CCDC73: variants seen among roughly 807,000 people sequenced by gnomAD.
CCDC73 encodes coiled-coil domain containing 73, also known as coiled-coil domain-containing protein 73.
CCDC73 carries 95 observed loss-of-function variants against 116.5 expected under a neutral mutation model. The ratio of observed to expected loss-of-function variants is 0.82; its 90% CI spans 0.69 to 0.97. The LOEUF is 0.97. CCDC73 is among the 50% of genes least tolerant of loss of function. The pLI is 0.00. For synonymous variants in CCDC73, 398 were observed against 401.3 expected, an observed-to-expected ratio of 0.99 and a Z score of 0.10; for missense variants, 1,066 against 1,206.8, an observed-to-expected ratio of 0.88 and a Z score of 1.73.
intron 1 of CCDC73, among the ~76,000 whole-genome samples, chr11:32,786,309 A>G (rs117657809): frequency 0.028 from 4,181 of 148,308 alleles, 76 homozygotes; most frequent in Non-Finnish European, 0.039. Context: ...ATTTATAGTA[A>G]TTTATAACAA....
At chr11:32,830,032 C>G in the CCDC73 span, 1 of 986,306 alleles carries the variant, frequency 1.0e-6, no homozygotes, top group Non-Finnish European at 1.2e-6. Context: ...GCGCGGGGGC[C>G]ATCCAGACCC....
Position 32,676,726 on chromosome 11 carries a change from A to C in CCDC73, c.430-705T>G, listed in dbSNP as rs537512235. On this transcript the variant is annotated intron_variant, in intron 7 of 17. Coordinates refer to ENST00000335185, the MANE Select transcript of CCDC73 (RefSeq NM_001008391.4). ...CTTGAGGCTAGGAGTTTAAGGCTGC[A>C]GTGAGCTATGCTCAGCCGCTGAACT... Among the ~76,000 whole-genome samples the C allele has an allele frequency of 3.3e-5, 5 of 152,326 alleles. No homozygotes were observed. The South Asian group carries it at 1.0e-3, about 32-fold the overall frequency.
the CCDC73 span, among the ~76,000 whole-genome samples, chr11:32,814,259 G>T: frequency 9.9e-5 from 15 of 152,230 alleles, no homozygotes; most frequent in African/African-American, 3.6e-4. Flanking sequence ...GTGTAAGACA[G>T]TGGAAGATGG....
intron 6 of CCDC73, among the ~76,000 whole-genome samples, chr11:32,691,771 G>A (rs751946757): frequency 7.2e-5 from 11 of 151,866 alleles, no homozygotes; most frequent in South Asian, 4.1e-4. Context: ...AAAGTCAGCC[G>A]GGCACAGTGG....
chr11:32,779,989 C>T (rs1039604796), intron 1 of CCDC73, among the ~76,000 whole-genome samples: 6 of 152,054 alleles, frequency 3.9e-5, no homozygotes, highest in African/African-American at 1.4e-4. Context: ...TAAAATAACA[C>T]GAGGTTGGGT....
At chr11:32,616,357 T>C (rs1279186817) in intron 14 of CCDC73, among the ~76,000 whole-genome samples, 1 of 152,242 alleles carries the variant, frequency 6.6e-6, no homozygotes, top group African/African-American at 2.4e-5. Flanking sequence ...GAGATCTTTA[T>C]ACATTTTCAA....
At chr11:32,708,667 G>A (rs1849874677) in intron 3 of CCDC73, among the ~76,000 whole-genome samples, 1 of 151,982 alleles carries the variant, frequency 6.6e-6, no homozygotes. Flanking sequence ...TGTTTGTTTT[G>A]CAGCTATTGT....
At chr11:32,634,624 T>C (rs928373408) in intron 14 of CCDC73, among the ~76,000 whole-genome samples, 7 of 152,200 alleles carry the variant, frequency 4.6e-5, no homozygotes, top group East Asian at 1.9e-4. Flanking sequence ...ACTCTCACAA[T>C]TGTTATTCAA....
At chr11:32,658,604 G>A (rs1855894922) in intron 9 of CCDC73, among the ~76,000 whole-genome samples, 1 of 152,188 alleles carries the variant, frequency 6.6e-6, no homozygotes, top group Non-Finnish European at 1.5e-5. Context: ...AGTACCTCCT[G>A]TGTGTCAGGC....
chr11:32,693,437 G>T (rs904429564), intron 6 of CCDC73, among the ~76,000 whole-genome samples: 1 of 152,140 alleles, frequency 6.6e-6, no homozygotes. Context: ...ACATCTACCT[G>T]TACTATGTTC....
chr11:32,733,665 G>C (rs1850099953), intron 2 of CCDC73, among the ~76,000 whole-genome samples: 1 of 152,186 alleles, frequency 6.6e-6, no homozygotes, highest in Non-Finnish European at 1.5e-5. Context: ...GCTCCTGAAT[G>C]ACTACCGGGT....
At chr11:32,716,494 G>A (rs1849947340) in intron 3 of CCDC73, among the ~76,000 whole-genome samples, 1 of 152,132 alleles carries the variant, frequency 6.6e-6, no homozygotes. Context: ...ACTCTTGTAT[G>A]TTTATTTCCA....
intron 14 of CCDC73, among the ~76,000 whole-genome samples, chr11:32,624,846 C>T (rs1314039009): frequency 6.6e-6 from 1 of 152,152 alleles, no homozygotes; most frequent in Non-Finnish European, 1.5e-5. Flanking sequence ...GAATACTATG[C>T]AGCCATTAAA....
intron 14 of CCDC73, among the ~76,000 whole-genome samples, chr11:32,623,330 G>C (rs185590246): frequency 1.3e-5 from 2 of 152,006 alleles, no homozygotes; most frequent in Admixed American, 1.3e-4. Context: ...TGGAGCAGAG[G>C]GGCAAAGCCA....
chr11:32,641,697 A>T (rs1855734045), intron 13 of CCDC73, among the ~76,000 whole-genome samples: 2 of 104,086 alleles, frequency 1.9e-5, no homozygotes, highest in Non-Finnish European at 4.0e-5. Flanking sequence ...GGCTCAAATT[A>T]TATATATATA....
At chr11:32,732,677 A>G (rs1293003637) in intron 2 of CCDC73, among the ~76,000 whole-genome samples, 1 of 152,184 alleles carries the variant, frequency 6.6e-6, no homozygotes, top group Non-Finnish European at 1.5e-5. Context: ...TAAACTTCAT[A>G]AGTGAAGGAG....
At chr11:32,715,732 G>T (rs976469357) in intron 3 of CCDC73, among the ~76,000 whole-genome samples, 1 of 152,122 alleles carries the variant, frequency 6.6e-6, no homozygotes, top group Non-Finnish European at 1.5e-5. Flanking sequence ...TTAGTTTTTT[G>T]TTCCAGGAAA....
the CCDC73 span, chr11:32,830,484 A>C: frequency 2.8e-6 from 4 of 1,422,218 alleles, no homozygotes; most frequent in Non-Finnish European, 3.7e-6. Flanking sequence ...TTTTTTTTTT[A>C]ATATTTTTTT....
chr11:32,731,653 G>A (rs868582403), intron 2 of CCDC73, among the ~76,000 whole-genome samples: 2 of 152,142 alleles, frequency 1.3e-5, no homozygotes, highest in Admixed American at 6.5e-5. Context: ...AGGCAAACAG[G>A]GTCTGGAGTG....
Sources: gnomAD v4.1 joint callset for allele counts (sites outside exome capture counted in the v4.1 genomes callset) on GRCh38, gnomAD v4.1.1 for gene constraint, MANE v1.5 for transcripts, NCBI Gene and HGNC (gene_info 2026-07-23, HGNC 2026-07-21) for gene names.